PEX3: variants seen among roughly 807,000 people sequenced by gnomAD.
PEX3 encodes the protein peroxin-3.
PEX3 carries 30 observed loss-of-function variants against 55.8 expected under a neutral mutation model. The ratio of observed to expected loss-of-function variants is 0.54; its 90% confidence interval spans 0.40 to 0.73. PEX3 has a LOEUF of 0.73. PEX3 is among the 30% of genes least tolerant of loss of function. PEX3 has a pLI of 0.00. For synonymous variants in PEX3, 135 were observed against 148.4 expected (o/e 0.91, Z 0.66); for missense variants, 351 against 432.8 (o/e 0.81, Z 1.68).
At position 143,483,623 on chromosome 6, in the gene PEX3, G is replaced by T. The variant is rs1780272160; in HGVS notation, c.942-1529G>T. ...TGGCTGTCATCTGAGAACACTGGAA[G>T]GCTGCTGGAGAGTTTTGAGCAGGAG... is the stretch of plus-strand genomic sequence containing the variant. On this transcript the variant is annotated intron_variant, in intron 10 of 11. Coordinates refer to ENST00000367591, the MANE Select transcript of PEX3 (RefSeq NM_003630.3). This position sits in a 1 kb window ranked among gnomAD's most constrained non-coding sequence, Gnocchi z 4.3. Among the ~76,000 whole-genome samples, 1 of 152,126 alleles carries T rather than the reference G, an allele frequency of 6.6e-6. No homozygotes were observed. Among genetic ancestry groups the T allele is most frequent in the East Asian group, 1.9e-4 (1 of 5,200 alleles).
At position 143,463,081 on chromosome 6, in the gene PEX3, G is replaced by C. The variant is rs1779947100; in HGVS notation, c.287+84G>C. On this transcript the variant is annotated intron_variant, in intron 3 of 11. Coordinates refer to ENST00000367591, the MANE Select transcript of PEX3 (RefSeq NM_003630.3). The surrounding 1 kb of genome is among the most constrained non-coding windows in gnomAD (Gnocchi z 5.7). The stretch of plus-strand genomic sequence containing the variant: ...ACTGATAGACTTTTCAAAAATCTTT[G>C]TTATTTTTCTATCTAATGAAAGTTT... 2.6e-5 allele frequency: 25 copies of C among 977,674 alleles called. 1 individual carries two copies. Among genetic ancestry groups the C allele is most frequent in the South Asian group, 6.8e-5 (5 of 73,248 alleles). 60.6% of individuals were successfully genotyped at this position (977,674 alleles called of 1,614,324 possible).
rs1301846529 is a variant in PEX3 at position 143,463,183 on chromosome 6, A to G, written c.287+186A>G. ...TTTTGTCTATGCTCTACTTTTTTGC[A>G]TAAAGCATTCAAGGCAATGATATTT... On this transcript the variant is annotated intron_variant, in intron 3 of 11. Transcript: ENST00000367591. The surrounding 1 kb of genome is among the most constrained non-coding windows in gnomAD (Gnocchi z 5.7). 1.3e-5 allele frequency among the ~76,000 whole-genome samples: 2 copies of G among 152,172 alleles called. No homozygotes were observed. Among genetic ancestry groups the G allele is most frequent in the Non-Finnish European group, 2.9e-5 (2 of 68,024 alleles).
At position 143,465,146 on chromosome 6, in the gene PEX3, T is replaced by C. The variant is rs9403493; in HGVS notation, c.287+2149T>C. Among the ~76,000 whole-genome samples the C allele has an allele frequency of 4.8e-4, 73 of 152,170 alleles. No individual in the cohort carries two copies. In the East Asian group the frequency reaches 0.013, roughly 28 times the overall value. On this transcript the variant is annotated intron_variant, in intron 3 of 11. Transcript: ENST00000367591. This position sits in a 1 kb window ranked among gnomAD's most constrained non-coding sequence, Gnocchi z 4.7. Reference sequence around the variant, plus strand: ...TTATTTCTCCATGAAGGTATTTTAGTGACATTAAAGAGTCTGGTTGTATTT... The same window carrying C: ...TTATTTCTCCATGAAGGTATTTTAGCGACATTAAAGAGTCTGGTTGTATTT...
In PEX3 at chr6:143,465,272, T is replaced by C. The variant is rs1217699003; in HGVS notation, c.287+2275T>C. On this transcript the variant is annotated intron_variant, in intron 3 of 11. Transcript: ENST00000367591. This position sits in a 1 kb window ranked among gnomAD's most constrained non-coding sequence, Gnocchi z 4.7. ...ATAGATTTGGAATCTTTTATGTAGA[T>C]TTTGGAGTTTTTTAAAAAAAAATAG... Among the ~76,000 whole-genome samples the C allele has an allele frequency of 6.6e-6, 1 of 151,960 alleles. No individual in the cohort carries two copies. Among genetic ancestry groups the C allele is most frequent in the Admixed American group, 6.6e-5 (1 of 15,256 alleles).
In PEX3 at chr6:143,471,865, A is replaced by C. The variant is rs1164712866; in HGVS notation, c.578+254A>C. Among the ~76,000 whole-genome samples, 1 of 152,122 alleles carries C rather than the reference A, an allele frequency of 6.6e-6. No homozygotes were observed. The highest frequency in any genetic ancestry group is 2.4e-5 in the African/African-American group (1 of 41,428). ...ACAAATCAGAAATATTTGGGTCATG[A>C]GATAAAAGACCTACTTTAAAATCTG... On this transcript the variant is annotated intron_variant, in intron 7 of 11. Coordinates refer to ENST00000367591, the MANE Select transcript of PEX3 (RefSeq NM_003630.3). The surrounding 1 kb of genome is among the most constrained non-coding windows in gnomAD (Gnocchi z 5.4).
At chr6:143,452,252 C>T (rs1475946775) in intron 1 of PEX3, among the ~76,000 whole-genome samples, 2 of 152,202 alleles carry the variant, frequency 1.3e-5, no homozygotes, top group East Asian at 3.8e-4. Context: ...AGGTCTATCA[C>T]ACATCAATAA....
Position 143,488,447 on chromosome 6 carries a change from T to C in PEX3, c.1039-696T>C, listed in dbSNP as rs558621205. ...CGGTATTGCTTCTTTATTCATGCAT[T>C]AAATACCAAGATATAATGAGAGTTC... On this transcript the variant is annotated intron_variant, in intron 11 of 11. Transcript: ENST00000367591. The surrounding 1 kb of genome is among the most constrained non-coding windows in gnomAD (Gnocchi z 4.9). Among the ~76,000 whole-genome samples, 3 of 152,232 alleles carry C rather than the reference T, an allele frequency of 2.0e-5. No homozygotes were observed. Among genetic ancestry groups the C allele is most frequent in the African/African-American group, 7.2e-5 (3 of 41,574 alleles).
At chr6:143,484,054 C>T (rs894652659) in intron 10 of PEX3, among the ~76,000 whole-genome samples, 50 of 151,966 alleles carry the variant, frequency 3.3e-4, no homozygotes, top group African/African-American at 9.7e-5. Flanking sequence ...GGTTGTACAC[C>T]CTAGCTTCAG....
rs1290461314 is a variant in PEX3, at chr6:143,463,034, A to G, written c.287+37A>G. On this transcript the variant is annotated intron_variant, in intron 3 of 11. Coordinates refer to ENST00000367591, the MANE Select transcript of PEX3 (RefSeq NM_003630.3). The surrounding 1 kb of genome is among the most constrained non-coding windows in gnomAD (Gnocchi z 5.7). ...TTACAGCATTTTCTGTTTAAGCACT[A>G]CACTTAAAGTTTATAGAATGAACTG... 2.8e-6 allele frequency: 4 copies of G among 1,415,792 alleles called. No homozygotes were observed. The highest frequency in any genetic ancestry group is 4.0e-6 in the Non-Finnish European group (4 of 999,190). The allele number at this position is 1,415,792 out of a possible 1,614,324, so 87.7% of individuals were successfully genotyped here. A position where few individuals can be genotyped will look rare whatever the true frequency, so the allele number is the denominator to read the frequency against.
Position 143,475,602 on chromosome 6 carries a change from C to T in PEX3, c.818+746C>T, listed in dbSNP as rs563405966. Among the ~76,000 whole-genome samples, 34 of 152,166 alleles carry T rather than the reference C, an allele frequency of 2.2e-4. No individual in the cohort carries two copies. Among genetic ancestry groups the T allele is most frequent in the Non-Finnish European group, 4.9e-4 (33 of 67,980 alleles). ...CTGGCAGGTTGAGGCTATGGTGAGC[C>T]GTGATTGCACCACTGTACTCCAGCC... On this transcript the variant is annotated intron_variant, in intron 9 of 11. Transcript: ENST00000367591. This position sits in a 1 kb window ranked among gnomAD's most constrained non-coding sequence, Gnocchi z 4.4.
rs997392483 is a variant in PEX3 at position 143,454,569 on chromosome 6, T to C, written c.73+3454T>C. ...AATGAGAGTAAGTGACTGATCTCAC[T>C]GTACTTTACTCTGGAAATACAAAGG... On this transcript the variant is annotated intron_variant, in intron 1 of 11. Coordinates refer to ENST00000367591, the MANE Select transcript of PEX3 (RefSeq NM_003630.3). This position sits in a 1 kb window ranked among gnomAD's most constrained non-coding sequence, Gnocchi z 4.3. Among the ~76,000 whole-genome samples, 1 of 152,262 alleles carries C rather than the reference T, an allele frequency of 6.6e-6. No individual in the cohort carries two copies. The highest frequency in any genetic ancestry group is 2.4e-5 in the African/African-American group (1 of 41,476).
At chr6:143,470,834 T>G in intron 4 of PEX3, 127 bp from the exon 5 acceptor site, 1 of 732,802 alleles carries the variant, frequency 1.4e-6, no homozygotes, top group South Asian at 1.7e-5. Flanking sequence ...TGATATATTT[T>G]TATACTAGAA....
rs1779822508 is a variant in PEX3 at position 143,454,943 on chromosome 6, T to G, written c.73+3828T>G. On this transcript the variant is annotated intron_variant, in intron 1 of 11. Transcript: ENST00000367591. The surrounding 1 kb of genome is among the most constrained non-coding windows in gnomAD (Gnocchi z 4.3). ...GGCCTTATGAAGCCATTCTACATAA[T>G]TTGGACATTATCCTTTGTATTGGTG... is the stretch of plus-strand genomic sequence containing the variant. 6.6e-6 allele frequency among the ~76,000 whole-genome samples: 1 copy of G among 152,212 alleles called. No individual in the cohort carries two copies. The highest frequency in any genetic ancestry group is 1.5e-5 in the Non-Finnish European group (1 of 68,036).
chr6:143,487,261 G>C lies in PEX3; in HGVS notation c.1039-1882G>C, dbSNP rs1780333800. On this transcript the variant is annotated intron_variant, in intron 11 of 11. Coordinates refer to ENST00000367591, the MANE Select transcript of PEX3 (RefSeq NM_003630.3). This position sits in a 1 kb window ranked among gnomAD's most constrained non-coding sequence, Gnocchi z 5.3. ...GAAGCTGCATCAGGATACAGTATTT[G>C]AACAGATTAAAGTCTTTATTATAAA... 6.6e-6 allele frequency among the ~76,000 whole-genome samples: 1 copy of C among 152,128 alleles called. No homozygotes were observed. Among genetic ancestry groups the C allele is most frequent in the Non-Finnish European group, 1.5e-5 (1 of 68,010 alleles).
intron 8 of PEX3, among the ~76,000 whole-genome samples, chr6:143,473,826 T>C (rs146423988): frequency 6.6e-6 from 1 of 152,062 alleles, no homozygotes; most frequent in South Asian, 2.1e-4. Flanking sequence ...GTGCTATGGT[T>C]GCACCATTGC....
chr6:143,460,884 A>T (rs1463596354), intron 2 of PEX3, among the ~76,000 whole-genome samples: 3 of 149,446 alleles, frequency 2.0e-5, no homozygotes, highest in Non-Finnish European at 3.0e-5. Flanking sequence ...AAAAAAAAAA[A>T]GTAAAATGTA....
chr6:143,474,654 G>A (rs967758676), intron 8 of PEX3, 132 bp from the exon 9 acceptor site: 1 of 666,436 alleles, frequency 1.5e-6, no homozygotes, highest in Non-Finnish European at 2.7e-6. Flanking sequence ...GTGGGGGAGG[G>A]TCTAACTTTT....
At position 143,465,448 on chromosome 6, in the gene PEX3, A is replaced by T. The variant is rs906504910; in HGVS notation, c.287+2451A>T. On this transcript the variant is annotated intron_variant, in intron 3 of 11. Coordinates refer to ENST00000367591, the MANE Select transcript of PEX3 (RefSeq NM_003630.3). The surrounding 1 kb of genome is among the most constrained non-coding windows in gnomAD (Gnocchi z 4.7). ...TCGTTTGGTTTTGGTTTTTTTTTAG[A>T]TAGAGTCTTACTCTGTCGCCCAAGC... Among the ~76,000 whole-genome samples, 1 of 151,848 alleles carries T rather than the reference A, an allele frequency of 6.6e-6. No homozygotes were observed. Among genetic ancestry groups the T allele is most frequent in the Non-Finnish European group, 1.5e-5 (1 of 67,884 alleles).
Position 143,487,046 on chromosome 6 carries a change from T to C in PEX3, c.1038+1798T>C, listed in dbSNP as rs760945672. On this transcript the variant is annotated intron_variant, in intron 11 of 11. Transcript: ENST00000367591. This position sits in a 1 kb window ranked among gnomAD's most constrained non-coding sequence, Gnocchi z 5.3. ...ATATTAGGATGGTAGTTGGTAAAGGTAGGAAATGGGAGAATCAGAAAACAA... is the reference window on the plus strand; with the variant it reads ...ATATTAGGATGGTAGTTGGTAAAGGCAGGAAATGGGAGAATCAGAAAACAA... Among the ~76,000 whole-genome samples, 6 of 152,128 alleles carry C rather than the reference T, an allele frequency of 3.9e-5. No individual in the cohort carries two copies. Among genetic ancestry groups the C allele is most frequent in the Admixed American group, 1.3e-4 (2 of 15,268 alleles).
Sources: gnomAD v4.1 joint callset for allele counts (sites outside exome capture counted in the v4.1 genomes callset) on GRCh38, gnomAD v4.1.1 for gene constraint, Gnocchi (gnomAD v3.1) non-coding constraint, MANE v1.5 for transcripts, NCBI Gene and HGNC (gene_info 2026-07-23, HGNC 2026-07-21) for gene names.